Variants in ZNF461 observed in about 807,000 individuals in gnomAD.
ZNF461 encodes the protein gonadotropin-inducible ovarian transcription factor-1.
Under a neutral mutation model 18.3 loss-of-function variants are expected in ZNF461, and 16 were observed. That is an observed-to-expected ratio of 0.88 (90% CI 0.59 to 1.33). ZNF461 has a LOEUF of 1.33. ZNF461 is among the 40% of genes most tolerant of loss of function. The probability of loss-of-function intolerance (pLI) is 0.00; values close to 1 mark genes in which losing one functional copy is unlikely to be tolerated. For missense variants in ZNF461, 595 were observed against 669.9 expected (o/e 0.89, Z 1.23); for synonymous variants, 179 against 216.9 (o/e 0.83, Z 1.54).
intron 3 of ZNF461, among the ~76,000 whole-genome samples, chr19:36,657,113 C>T (rs954710602): frequency 2.6e-5 from 4 of 151,908 alleles, no homozygotes; most frequent in Non-Finnish European, 5.9e-5. Flanking sequence ...AGCCACAGCA[C>T]CCAGCCTCCT....
chr19:36,647,721 T>C lies in ZNF461; in HGVS notation c.233-3859A>G, dbSNP rs373074728. 1.1e-4 allele frequency among the ~76,000 whole-genome samples: 16 copies of C among 152,278 alleles called. 1 individual carries two copies. In the South Asian group the frequency reaches 3.1e-3, roughly 30 times the overall value. Reference sequence around the variant, plus strand: ...TAGTGGCTGTATGATATAGCTCGGATATGTGTCCCCTCTAAATCTCATGTG... The same window carrying C: ...TAGTGGCTGTATGATATAGCTCGGACATGTGTCCCCTCTAAATCTCATGTG... On this transcript the variant is annotated intron_variant, in intron 4 of 5. Transcript: ENST00000588268.
intron 4 of ZNF461, among the ~76,000 whole-genome samples, chr19:36,655,313 T>C (rs1175432966): frequency 1.3e-5 from 2 of 152,112 alleles, no homozygotes; most frequent in East Asian, 1.9e-4. Context: ...TTTAAAAAAC[T>C]AATAAGCAGG....
At position 36,664,698 on chromosome 19, in the gene ZNF461, A is replaced by T; in HGVS notation, c.9T>A (p.His3Gln). The T allele has an allele frequency of 1.3e-6, 2 of 1,512,894 alleles. No individual in the cohort carries two copies. Among genetic ancestry groups the T allele is most frequent in the Non-Finnish European group, 1.8e-6 (2 of 1,138,004 alleles). 93.7% of individuals were successfully genotyped at this position (1,512,894 alleles called of 1,614,324 possible). ...TAGGAGCAAGAAAAAACCAACTTAC[A>T]TGGGCCATGTCTTATTTTAGAATTG... MA[H>Q]ELVMFRDVAI... Residue 3 changes from histidine (H) to glutamine (Q), a missense_variant and splice_region_variant, in exon 2 of 6, where the codon CAT becomes CAA. Transcript: ENST00000588268.
intron 5 of ZNF461, among the ~76,000 whole-genome samples, chr19:36,641,382 G>T (rs938353147): frequency 6.6e-6 from 1 of 151,870 alleles, no homozygotes; most frequent in African/African-American, 2.4e-5. Context: ...AGCTGGACGT[G>T]GTGGCGGATG....
At chr19:36,646,938 A>C (rs2145380772) in intron 4 of ZNF461, among the ~76,000 whole-genome samples, 1 of 152,342 alleles carries the variant, frequency 6.6e-6, no homozygotes, top group East Asian at 1.9e-4. Flanking sequence ...TATAATCTAC[A>C]TATGCAAGAG....
chr19:36,650,353 C>T (rs1453317035), intron 4 of ZNF461, among the ~76,000 whole-genome samples: 4 of 151,936 alleles, frequency 2.6e-5, no homozygotes, highest in African/African-American at 9.7e-5. Flanking sequence ...AAGATATGGA[C>T]GAAATCTTTG....
chr19:36,652,681 C>T (rs1257064003), intron 4 of ZNF461, among the ~76,000 whole-genome samples: 4 of 152,020 alleles, frequency 2.6e-5, no homozygotes, highest in African/African-American at 7.2e-5. Context: ...AAAACTTTTG[C>T]TCTGCAAAGA....
In ZNF461 at chr19:36,639,067, T is replaced by G. The variant is rs1347784136; in HGVS notation, c.1278A>C (p.Leu426Phe). ...GAATCCTCTGATGTAGGGTTAGTTG[T>G]AAGCCATCACAAAAAGCCTTCCCAC... is the stretch of plus-strand genomic sequence containing the variant. ...HECGKAFCDG[L>F]QLTLHQRIHT... The change falls in exon 6 of 6, where the codon TTA becomes TTC. Residue 426 changes from leucine (L) to phenylalanine (F), a missense_variant. Transcript: ENST00000588268. 2 of 1,613,730 alleles carry G rather than the reference T, an allele frequency of 1.2e-6. No individual in the cohort carries two copies. Among genetic ancestry groups the G allele is most frequent in the East Asian group, 2.2e-5 (1 of 44,826 alleles).
chr19:36,649,694 T>C (rs2037592447), intron 4 of ZNF461, among the ~76,000 whole-genome samples: 1 of 152,102 alleles, frequency 6.6e-6, no homozygotes, highest in African/African-American at 2.4e-5. Context: ...AGAGTAGATG[T>C]TAAATGTTCT....
chr19:36,656,439 C>T lies in ZNF461; in HGVS notation c.232+9G>A. The T allele has an allele frequency of 1.2e-6, 2 of 1,612,194 alleles. No homozygotes were observed. The highest frequency in any genetic ancestry group is 1.7e-6 in the Non-Finnish European group (2 of 1,178,182). On this transcript the variant is annotated intron_variant, in intron 4 of 5. Coordinates refer to ENST00000588268, the MANE Select transcript of ZNF461 (RefSeq NM_153257.5). ...TCTCTGCAAGAGCTTCCTGTGCTTG[C>T]TCACTCACCTGGGCACCATCTTCCT...
intron 5 of ZNF461, among the ~76,000 whole-genome samples, chr19:36,640,277 G>A (rs967502254): frequency 6.6e-6 from 1 of 152,144 alleles, no homozygotes; most frequent in African/African-American, 2.4e-5. Flanking sequence ...TACCTTGAGA[G>A]TTTGTTGCAA....
intron 2 of ZNF461, among the ~76,000 whole-genome samples, chr19:36,660,148 CTTTTTT>C (rs35264079): frequency 1.7e-5 from 2 of 118,544 alleles, no homozygotes; most frequent in Non-Finnish European, 3.5e-5. Flanking sequence ...TCTCTAAAAT[CTTTTTT>C]TTTTTTTTTT....
chr19:36,640,300 A>C (rs1568644010), intron 5 of ZNF461, among the ~76,000 whole-genome samples: 1 of 152,194 alleles, frequency 6.6e-6, no homozygotes, highest in Non-Finnish European at 1.5e-5. Context: ...ATGGATGTTC[A>C]GGAAACATTC....
chr19:36,639,326 C>T lies in ZNF461; in HGVS notation c.1019G>A (p.Arg340His), dbSNP rs757567988. Residue 340 changes from arginine to histidine, a missense_variant, in exon 6 of 6, where the codon CGT (arginine) becomes CAT (histidine). By Grantham distance (29) the Arg-to-His change is conservative. Coordinates refer to ENST00000588268, the MANE Select transcript of ZNF461 (RefSeq NM_153257.5). ...ECKQCGKAFIRGFQLTEHLRL... is the reference protein window; with the variant it reads ...ECKQCGKAFIHGFQLTEHLRL... ...CAGGTGTTCAGTAAGTTGAAAGCCACGAATAAAAGCCTTCCCACATTGCTT... is the reference window on the plus strand; with the variant it reads ...CAGGTGTTCAGTAAGTTGAAAGCCATGAATAAAAGCCTTCCCACATTGCTT... The T allele has an allele frequency of 2.4e-5, 38 of 1,612,604 alleles. No individual in the cohort carries two copies. The highest frequency in any genetic ancestry group is 3.2e-5 in the Non-Finnish European group (38 of 1,179,708).
In ZNF461 at chr19:36,637,567, C is replaced by T. The variant is rs1384144257; in HGVS notation, c.*1086G>A. 1.6e-5 allele frequency: 3 copies of T among 187,234 alleles called. No individual in the cohort carries two copies. The highest frequency in any genetic ancestry group is 8.3e-5 in the South Asian group (1 of 12,042). 11.6% of individuals were successfully genotyped at this position (187,234 alleles called of 1,614,324 possible). ...GCTTATTGGCCGGGCATAGTGGCTG[C>T]GCATGCCTGTAGTCCCAGCTACTCA... On this transcript the variant is annotated 3_prime_UTR_variant, in exon 6 of 6. Transcript: ENST00000588268.
At chr19:36,643,230 C>T (rs1361345799) in intron 5 of ZNF461, 1 of 152,196 alleles carries the variant, frequency 6.6e-6, no homozygotes, top group Non-Finnish European at 1.5e-5. Flanking sequence ...CAGAACATTA[C>T]CAGAAACCCC....
chr19:36,648,163 G>C (rs1355415561), intron 4 of ZNF461, among the ~76,000 whole-genome samples: 2 of 151,632 alleles, frequency 1.3e-5, no homozygotes, highest in African/African-American at 4.8e-5. Context: ...TGGACAACAA[G>C]AATGAAACTC....
chr19:36,643,976 A>C (rs1033174796), intron 4 of ZNF461, 114 bp from the exon 5 acceptor site: 17 of 865,230 alleles, frequency 2.0e-5, no homozygotes, highest in Non-Finnish European at 2.6e-5. Flanking sequence ...CTTGTTGCCC[A>C]AGCTGGAGTG....
At position 36,647,702 on chromosome 19, in the gene ZNF461, C is replaced by A. The variant is rs539492275; in HGVS notation, c.233-3840G>T. On this transcript the variant is annotated intron_variant, in intron 4 of 5. Transcript: ENST00000588268. Reference sequence around the variant, plus strand: ...ATTACCATACTGTTTTCCATAGTGGCTGTATGATATAGCTCGGATATGTGT... The same window carrying A: ...ATTACCATACTGTTTTCCATAGTGGATGTATGATATAGCTCGGATATGTGT... Among the ~76,000 whole-genome samples the A allele has an allele frequency of 1.1e-4, 16 of 152,184 alleles. No homozygotes were observed. In the East Asian group the frequency reaches 2.9e-3, roughly 28 times the overall value.
Sources: gnomAD v4.1 joint callset for allele counts (sites outside exome capture counted in the v4.1 genomes callset) on GRCh38, gnomAD v4.1.1 for gene constraint, MANE v1.5 for transcripts, NCBI Gene and HGNC (gene_info 2026-07-23, HGNC 2026-07-21) for gene names.